Variants in PSG7 observed in about 807,000 individuals in gnomAD.
The protein encoded by PSG7 is pregnancy-specific beta-1-glycoprotein 7.
Under a neutral mutation model 45.6 loss-of-function variants are expected in PSG7, and 57 were observed. The observed-to-expected ratio is 1.25, with a 90% CI of 1.01 to 1.56. PSG7 has a LOEUF of 1.56. Ranked by LOEUF, PSG7 falls within the 40% of genes most tolerant of loss-of-function variation. The pLI, the probability that PSG7 is intolerant of heterozygous loss-of-function variation, is 0.00. For synonymous variants in PSG7, 298 were observed against 194.4 expected, an observed-to-expected ratio of 1.53 and a Z score of -4.43; for missense variants, 796 against 508.4, an observed-to-expected ratio of 1.57 and a Z score of -5.44.
chr19:42,931,733 T>C (rs1973024233), intron 2 of PSG7, among the ~76,000 whole-genome samples: 1 of 151,350 alleles, frequency 6.6e-6, no homozygotes. Flanking sequence ...AACCATGAGA[T>C]AGCACCTACC....
intron 1 of PSG7, chr19:42,936,404 G>A (rs1973153809): frequency 6.4e-6 from 1 of 156,762 alleles, no homozygotes; most frequent in Non-Finnish European, 1.4e-5. Context: ...GAGGTTTTTT[G>A]CTGAGGACAG....
In PSG7 at chr19:42,935,527, A is replaced by G. The variant is rs1205564506; in HGVS notation, c.307T>C (p.Ser103Pro). Residue 103 changes from serine (S) to proline (P), a missense_variant, in exon 2 of 6, where the codon TCC becomes CCC. Coordinates refer to ENST00000406070, the MANE Select transcript of PSG7 (RefSeq NM_002783.3). ...PAYSGRETVY[S>P]NASLLIQNVT... ...TTCTGGATCAGCAGGGATGCATTGG[A>G]ATATACTGTTTCTCGTCCACTGTAT... 4 of 1,612,180 alleles carry G rather than the reference A, an allele frequency of 2.5e-6. 1 individual carries two copies. The highest frequency in any genetic ancestry group is 2.2e-5 in the South Asian group (2 of 90,800).
intron 2 of PSG7, among the ~76,000 whole-genome samples, chr19:42,931,895 C>T (rs1408004997): frequency 1.9e-5 from 2 of 106,020 alleles, no homozygotes; most frequent in Non-Finnish European, 4.1e-5. Context: ...CACTTTTTTT[C>T]CCCCACTCTT....
rs562462322 is a variant in PSG7 at position 42,934,613 on chromosome 19, C to G, written c.430+791G>C. ...TGCGTAGCACTGTGGAAATGTTCAC[C>G]AAACAGCATTTATTATTAATTTGCT... is the stretch of plus-strand genomic sequence containing the variant. On this transcript the variant is annotated intron_variant, in intron 2 of 5. Coordinates refer to ENST00000406070, the MANE Select transcript of PSG7 (RefSeq NM_002783.3). 4.0e-5 allele frequency among the ~76,000 whole-genome samples: 6 copies of G among 151,828 alleles called. No homozygotes were observed. In the South Asian group the frequency reaches 1.3e-3, roughly 32 times the overall value.
At chr19:42,931,619 C>T (rs954982930) in intron 2 of PSG7, among the ~76,000 whole-genome samples, 1 of 151,358 alleles carries the variant, frequency 6.6e-6, no homozygotes, top group African/African-American at 2.4e-5. Flanking sequence ...TAGTAAGAGG[C>T]TAAGTGAGAT....
At chr19:42,935,873 G>GACAC (rs60833164) in intron 1 of PSG7, 104 bp from the exon 2 acceptor site, 140,150 of 714,910 alleles carry the variant, frequency 0.2, 6,837 homozygotes, top group East Asian at 0.24. Context: ...CAGCCTTGAA[G>GACAC]ACACACACAC....
chr19:42,935,618 G>C lies in PSG7; in HGVS notation c.216C>G (p.Ile72Met), dbSNP rs1157508169. The C allele has an allele frequency of 6.2e-7, 1 of 1,612,120 alleles. No individual in the cohort carries two copies. The highest frequency in any genetic ancestry group is 8.5e-7 in the Non-Finnish European group (1 of 1,179,124). The change falls in exon 2 of 6, where the codon ATC (isoleucine) becomes ATG (methionine). Residue 72 changes from isoleucine to methionine, a missense_variant. Transcript: ENST00000406070. ...ATGTAACATAATGGTAGAGGTCCCT[G>C]ATTTGTCCTTTGTACCAGATGTAGC... is the stretch of plus-strand genomic sequence containing the variant. The part of the protein sequence containing the change: ...LTGYIWYKGQ[I>M]RDLYHYVTSY...
chr19:42,929,329 G>A, intron 3 of PSG7, 113 bp downstream of exon 3: 1 of 1,592,574 alleles, frequency 6.3e-7, no homozygotes, highest in South Asian at 1.1e-5. Context: ...CAGCTTTGAT[G>A]TCCAGGGGTA....
rs969770867 is a variant in PSG7, at chr19:42,936,901, C to A, written c.64+112G>T. 7 of 1,482,148 alleles carry A rather than the reference C, an allele frequency of 4.7e-6. No homozygotes were observed. In the African/African-American group the frequency reaches 5.6e-5, roughly 12 times the overall value. 91.8% of individuals were successfully genotyped at this position (1,482,148 alleles called of 1,614,324 possible). On this transcript the variant is annotated intron_variant, in intron 1 of 5. Transcript: ENST00000406070. ...TGATCTCTTGATCCACCCACCTCAG[C>A]CTCCCAAAGTGCTGGCTTCTTTTAT...
chr19:42,932,822 C>G (rs991720477), intron 2 of PSG7, among the ~76,000 whole-genome samples: 1 of 151,526 alleles, frequency 6.6e-6, no homozygotes, highest in Non-Finnish European at 1.5e-5. Context: ...CTGAATTCTG[C>G]TAAAATGTTG....
chr19:42,934,235 T>C (rs1414297282), intron 2 of PSG7, among the ~76,000 whole-genome samples: 1 of 151,460 alleles, frequency 6.6e-6, no homozygotes, highest in Non-Finnish European at 1.5e-5. Context: ...CTGACTCTGA[T>C]GGTTGAGGCA....
At chr19:42,933,757 G>C (rs977244359) in intron 2 of PSG7, among the ~76,000 whole-genome samples, 5 of 151,090 alleles carry the variant, frequency 3.3e-5, no homozygotes, top group African/African-American at 9.8e-5. Flanking sequence ...TGAGCAGTGA[G>C]GGCTACACTG....
intron 2 of PSG7, among the ~76,000 whole-genome samples, chr19:42,933,299 A>ATTTTTT (rs1235421771): frequency 6.8e-5 from 1 of 14,650 alleles, no homozygotes; most frequent in East Asian, 4.1e-3. Context: ...ATATATATAT[A>ATTTTTT]TATATATATT....
chr19:42,928,111 T>C (rs923862687), intron 3 of PSG7, among the ~76,000 whole-genome samples: 3 of 151,536 alleles, frequency 2.0e-5, no homozygotes, highest in East Asian at 1.9e-4. Context: ...GCTTGGTGAT[T>C]AGTTTTCGGT....
In PSG7 at chr19:42,937,129, A is replaced by T; in HGVS notation, c.-53T>A. The T allele has an allele frequency of 6.3e-7, 1 of 1,592,774 alleles. No individual in the cohort carries two copies. The highest frequency in any genetic ancestry group is 8.6e-7 in the Non-Finnish European group (1 of 1,165,288). ...TGTGGAGATGAGCCTAGGATCCAGA[A>T]TCTTCCTGAGCACGGCTGTCAGCTG... On this transcript the variant is annotated 5_prime_UTR_variant, in exon 1 of 6. Transcript: ENST00000406070.
intron 2 of PSG7, among the ~76,000 whole-genome samples, chr19:42,929,968 G>A (rs1476675705): frequency 6.6e-6 from 1 of 151,590 alleles, no homozygotes; most frequent in African/African-American, 2.4e-5. Flanking sequence ...TTGGGTCATG[G>A]AAAGACACAG....
rs1425738255 is a variant in PSG7, at chr19:42,925,032, G to A, written c.1244-208C>T. The A allele has an allele frequency of 1.3e-5, 8 of 598,956 alleles. No homozygotes were observed. The South Asian group carries it at 1.7e-4, about 13-fold the overall frequency. The allele number at this position is 598,956 out of a possible 1,614,324, so 37.1% of individuals were successfully genotyped here. A position where few individuals can be genotyped will look rare whatever the true frequency, so the allele number is the denominator to read the frequency against. ...TGTTTACATAAGTGCAGCAAGAGTAGCAATGGACTATGTAGGCTCTCTTTT... is the reference window on the plus strand; with the variant it reads ...TGTTTACATAAGTGCAGCAAGAGTAACAATGGACTATGTAGGCTCTCTTTT... On this transcript the variant is annotated intron_variant, in intron 5 of 5. Transcript: ENST00000406070.
rs1208162947 is a variant in PSG7, at chr19:42,924,164, G to GA, written c.*643dup. On this transcript the variant is annotated 3_prime_UTR_variant, in exon 6 of 6. Coordinates refer to ENST00000406070, the MANE Select transcript of PSG7 (RefSeq NM_002783.3). ...ATGTAGTACATGTTTTATTCTGCTA[G>GA]AATCAGTCTTACTGTCACGTTTTAC... 6.0e-6 allele frequency: 1 copy of GA among 167,010 alleles called. No individual in the cohort carries two copies. The highest frequency in any genetic ancestry group is 2.4e-5 in the African/African-American group (1 of 41,758). 10.3% of individuals were successfully genotyped at this position (167,010 alleles called of 1,614,324 possible).
At chr19:42,931,333 A>T (rs1427926678) in intron 2 of PSG7, among the ~76,000 whole-genome samples, 2 of 147,588 alleles carry the variant, frequency 1.4e-5, no homozygotes, top group Non-Finnish European at 3.0e-5. Context: ...TCAAAGAAAG[A>T]TGCCAAAGGT....
Sources: allele counts gnomAD v4.1 joint callset (sites outside exome capture counted in the v4.1 genomes callset), GRCh38; gene constraint gnomAD v4.1.1; transcripts MANE v1.5; gene names NCBI Gene and HGNC (gene_info 2026-07-23, HGNC 2026-07-21).